The following SCAI variants were observed in gnomAD, a reference collection of about 807,000 sequenced individuals.
SCAI encodes the protein protein SCAI.
In SCAI, 24 loss-of-function variants were observed where a neutral mutation model predicts 92.2. That is an observed-to-expected ratio of 0.26 (90% CI 0.19 to 0.37). The LOEUF (loss-of-function observed/expected upper bound fraction) is 0.37. SCAI is among the 10% of genes least tolerant of loss of function. The pLI is 1.00. For missense variants in SCAI, 450 were observed against 736.2 expected (o/e 0.61, Z 4.50); for synonymous variants, 261 against 258.6 (o/e 1.01, Z -0.09).
At chr9:125,007,255 A>G (rs1234882875) in intron 9 of SCAI, among the ~76,000 whole-genome samples, 1 of 152,234 alleles carries the variant, frequency 6.6e-6, no homozygotes, top group African/African-American at 2.4e-5. Flanking sequence ...ACAGACCAAC[A>G]CACTTGTAGT....
chr9:124,977,905 A>G (rs1333652005), intron 14 of SCAI, among the ~76,000 whole-genome samples: 2 of 152,224 alleles, frequency 1.3e-5, no homozygotes, highest in African/African-American at 4.8e-5. Context: ...ACACACTAGG[A>G]CAAATTCCAA....
At chr9:124,986,286 G>A (rs907379713) in intron 14 of SCAI, among the ~76,000 whole-genome samples, 39 of 151,944 alleles carry the variant, frequency 2.6e-4, no homozygotes, top group African/African-American at 8.7e-4. Flanking sequence ...TCGAGACTCC[G>A]TCTCAAAAAT....
Position 125,020,726 on chromosome 9 carries a change from TA to T in SCAI, c.555del (p.Phe185LeufsTer2). On this transcript the variant is annotated frameshift_variant, in exon 7 of 18. Coordinates refer to ENST00000336505, the MANE Select transcript of SCAI (RefSeq NM_001144877.3). LOFTEE classifies it high-confidence loss of function. Reference protein sequence around the residue: ...VVKKLRYYARFIVVCLLLNKM... With the variant: ...VVKKLRYYARXIVVCLLLNKM... ...TTGTTGAGAAGAAGACAAACTACTA[TA>T]AATCTTGCATAATATCGTAACTTCT... 1 of 1,536,794 alleles carries T rather than the reference TA, an allele frequency of 6.5e-7. No homozygotes were observed. Among genetic ancestry groups the T allele is most frequent in the Non-Finnish European group, 8.9e-7 (1 of 1,126,388 alleles).
intron 17 of SCAI, among the ~76,000 whole-genome samples, chr9:124,963,427 C>G (rs759322644): frequency 6.6e-6 from 1 of 152,004 alleles, no homozygotes; most frequent in Non-Finnish European, 1.5e-5. Context: ...AGCCACAGCG[C>G]CGGGCTGAGA....
At chr9:125,135,791 G>A (rs1307181746) in intron 2 of SCAI, among the ~76,000 whole-genome samples, 1 of 152,010 alleles carries the variant, frequency 6.6e-6, no homozygotes, top group Non-Finnish European at 1.5e-5. Context: ...CGAACATGGA[G>A]AAACCCCATC....
chr9:125,133,449 C>T (rs993185578), intron 2 of SCAI, among the ~76,000 whole-genome samples: 33 of 152,118 alleles, frequency 2.2e-4, no homozygotes, highest in African/African-American at 7.7e-4. Flanking sequence ...ATAAAGAACT[C>T]TTACAACTAT....
chr9:125,083,529 A>G (rs558101739), intron 2 of SCAI, among the ~76,000 whole-genome samples: 25 of 151,770 alleles, frequency 1.6e-4, no homozygotes, highest in African/African-American at 5.3e-4. Flanking sequence ...AAAAAAAAAA[A>G]AAAAAAAAAA....
intron 14 of SCAI, among the ~76,000 whole-genome samples, chr9:124,978,803 A>C (rs1831813142): frequency 6.6e-6 from 1 of 152,240 alleles, no homozygotes; most frequent in African/African-American, 2.4e-5. Context: ...TGGAATAATA[A>C]ACAGCTATAA....
At chr9:124,961,212 T>C (rs1185989502) in intron 17 of SCAI, among the ~76,000 whole-genome samples, 2 of 150,246 alleles carry the variant, frequency 1.3e-5, no homozygotes, top group African/African-American at 2.5e-5. Flanking sequence ...GGCAGGAGGA[T>C]AGCTTGAATC....
Position 124,948,859 on chromosome 9 carries a change from A to G in SCAI, c.*3948T>C, listed in dbSNP as rs1039592968. 1 of 152,214 alleles carries G rather than the reference A, an allele frequency of 6.6e-6. No individual in the cohort carries two copies. The allele number at this position is 152,214 out of a possible 1,614,324, so 9.4% of individuals were successfully genotyped here. A position where few individuals can be genotyped will look rare whatever the true frequency, so the allele number is the denominator to read the frequency against. On this transcript the variant is annotated 3_prime_UTR_variant, in exon 18 of 18. Transcript: ENST00000336505. Reference sequence around the variant, plus strand: ...TTGCTTTGCTCTGTTCTTAGTTCCAATATTTAAATTTTTATGAATTATAAA... The same window carrying G: ...TTGCTTTGCTCTGTTCTTAGTTCCAGTATTTAAATTTTTATGAATTATAAA...
At chr9:125,137,454 C>T (rs1332627488) in intron 2 of SCAI, among the ~76,000 whole-genome samples, 2 of 152,172 alleles carry the variant, frequency 1.3e-5, no homozygotes, top group African/African-American at 2.4e-5. Context: ...GAACAAAACA[C>T]GTATAGTCCC....
chr9:125,050,760 G>A (rs891685137), intron 3 of SCAI, among the ~76,000 whole-genome samples: 1 of 152,002 alleles, frequency 6.6e-6, no homozygotes, highest in African/African-American at 2.4e-5. Context: ...TTTGGTAGAT[G>A]GAGTCTTCCT....
At chr9:125,004,834 G>T (rs1403018651) in intron 9 of SCAI, among the ~76,000 whole-genome samples, 2 of 116,574 alleles carry the variant, frequency 1.7e-5, no homozygotes, top group Non-Finnish European at 3.3e-5. Flanking sequence ...CGTCACCCAG[G>T]CTGGAGTGCA....
chr9:124,982,869 T>C (rs1831914931), intron 14 of SCAI, among the ~76,000 whole-genome samples: 1 of 152,068 alleles, frequency 6.6e-6, no homozygotes, highest in Admixed American at 6.6e-5. Flanking sequence ...GTTTAAAATA[T>C]ATTCACTAGC....
At chr9:125,099,363 C>G (rs974839178) in intron 2 of SCAI, among the ~76,000 whole-genome samples, 2 of 151,838 alleles carry the variant, frequency 1.3e-5, no homozygotes, top group African/African-American at 4.8e-5. Context: ...TCTCAGTTCA[C>G]TGCAACCTCC....
At chr9:125,066,194 C>T (rs996956708) in intron 2 of SCAI, 1 of 513,482 alleles carries the variant, frequency 1.9e-6, no homozygotes, top group African/African-American at 2.0e-5. Flanking sequence ...AGCAAAGTTT[C>T]TGGATAAAAG....
In SCAI at chr9:124,950,515, A is replaced by C. The variant is rs1441022876; in HGVS notation, c.*2292T>G. On this transcript the variant is annotated 3_prime_UTR_variant, in exon 18 of 18. Transcript: ENST00000336505. ...GGAAACTCTGTGTTGGTAGGAGCAT[A>C]ACTGGCACAGGACTTAAGGGGAATT... 2.0e-5 allele frequency: 3 copies of C among 152,388 alleles called. No homozygotes were observed. The East Asian group carries it at 5.8e-4, about 29-fold the overall frequency. 9.4% of individuals were successfully genotyped at this position (152,388 alleles called of 1,614,324 possible).
At chr9:125,108,275 G>C (rs1360819326) in intron 2 of SCAI, among the ~76,000 whole-genome samples, 1 of 152,126 alleles carries the variant, frequency 6.6e-6, no homozygotes, top group Non-Finnish European at 1.5e-5. Flanking sequence ...AGTGAGGAGC[G>C]TCTCTGCCTG....
At chr9:125,017,375 G>A (rs992890438) in intron 9 of SCAI, among the ~76,000 whole-genome samples, 13 of 151,650 alleles carry the variant, frequency 8.6e-5, no homozygotes, top group African/African-American at 1.5e-4. Context: ...GAAAAATACC[G>A]AGCCTTAAGA....
Sources: gnomAD v4.1 joint callset for allele counts (sites outside exome capture counted in the v4.1 genomes callset) on GRCh38, gnomAD v4.1.1 for gene constraint, MANE v1.5 for transcripts, NCBI Gene and HGNC (gene_info 2026-07-23, HGNC 2026-07-21) for gene names.